Variants in NPIPB2 observed in about 807,000 individuals in gnomAD.
NPIPB2 encodes nuclear pore complex-interacting protein family member B2.
A neutral mutation model predicts 30.8 loss-of-function variants in NPIPB2; 27 were observed. That is an observed-to-expected ratio of 0.88 (90% confidence interval 0.65 to 1.21). The LOEUF (loss-of-function observed/expected upper bound fraction) is 1.21. Among genes scored for constraint, NPIPB2 ranks in the 50% most tolerant of loss-of-function variants. The pLI, the probability that NPIPB2 is intolerant of heterozygous loss-of-function variation, is 0.00. For missense variants in NPIPB2, 440 were observed against 446.2 expected (o/e 0.99, Z 0.13); for synonymous variants, 147 against 162.0 (o/e 0.91, Z 0.70).
intron 1 of NPIPB2, among the ~76,000 whole-genome samples, chr16:11,975,140 C>CTT (rs2055266632): frequency 2.9e-5 from 2 of 68,112 alleles, no homozygotes; most frequent in South Asian, 1.7e-3. Flanking sequence ...CAATCCATCA[C>CTT]CTTTTTTTTT....
chr16:11,951,391 G>T (rs1208632144), intron 1 of NPIPB2, among the ~76,000 whole-genome samples: 1 of 136,910 alleles, frequency 7.3e-6, no homozygotes, highest in Non-Finnish European at 1.5e-5. Flanking sequence ...GTGAACCTGG[G>T]AAGCGGAGCT....
chr16:11,956,631 G>A (rs1359714957), intron 1 of NPIPB2, among the ~76,000 whole-genome samples: 2 of 152,124 alleles, frequency 1.3e-5, no homozygotes, highest in Admixed American at 6.6e-5. Context: ...AGCTGAGATC[G>A]CACCACTGCA....
chr16:11,956,771 T>A (rs1397855813), intron 1 of NPIPB2, among the ~76,000 whole-genome samples: 3 of 152,188 alleles, frequency 2.0e-5, no homozygotes, highest in African/African-American at 7.2e-5. Flanking sequence ...GGAACCAGGC[T>A]TCTTGAGGTC....
intron 4 of NPIPB2, 30 bp downstream of exon 4, chr16:11,933,487 C>G: frequency 6.3e-7 from 1 of 1,596,564 alleles, no homozygotes; most frequent in South Asian, 1.1e-5. Context: ...ATGGTTCATA[C>G]AACAATATTT....
At chr16:11,960,406 G>A (rs1007475640) in intron 1 of NPIPB2, among the ~76,000 whole-genome samples, 1 of 146,260 alleles carries the variant, frequency 6.8e-6, no homozygotes, top group Non-Finnish European at 1.5e-5. Flanking sequence ...CCACGCTGGA[G>A]TGTGCAGTGG....
Position 11,949,055 on chromosome 16 carries a change from G to A in NPIPB2, c.-583-6941C>T, listed in dbSNP as rs531986640. Among the ~76,000 whole-genome samples, 50 of 152,020 alleles carry A rather than the reference G, an allele frequency of 3.3e-4. 1 individual carries two copies. The South Asian group carries it at 8.5e-3, about 26-fold the overall frequency. The stretch of plus-strand genomic sequence containing the variant: ...TTCTTGTAAGGGAGGCGGCTGAGAT[G>A]GGAGGATTGCTTGAGCCCAGGAGGT... On this transcript the variant is annotated intron_variant, in intron 1 of 5. Coordinates refer to the NPIPB2 transcript ENST00000538896.
intron 1 of NPIPB2, among the ~76,000 whole-genome samples, chr16:11,956,708 G>C (rs1054364163): frequency 6.6e-6 from 1 of 152,192 alleles, no homozygotes; most frequent in Non-Finnish European, 1.5e-5. Context: ...ATGATCTCCT[G>C]CAGAATGCCC....
chr16:11,947,942 G>A (rs945510811), intron 1 of NPIPB2, among the ~76,000 whole-genome samples: 3 of 149,656 alleles, frequency 2.0e-5, no homozygotes, highest in Non-Finnish European at 4.4e-5. Context: ...GGGATTGCAA[G>A]AAGGTGAAAG....
rs1555509096 is a variant in NPIPB2, at chr16:11,947,334, A to ATATATT, written c.-583-5221_-583-5220insAATATA. 9.0e-4 allele frequency among the ~76,000 whole-genome samples: 130 copies of ATATATT among 144,934 alleles called. 1 individual carries two copies. The East Asian group carries it at 0.012, about 13-fold the overall frequency. On this transcript the variant is annotated intron_variant, in intron 1 of 5. Transcript: ENST00000538896. ...TTTATTTATTTATTTATATATATAT[A>ATATATT]TATTTATTTATTTATTATTTATTTT...
At chr16:11,958,442 A>T (rs1339413311) in intron 1 of NPIPB2, among the ~76,000 whole-genome samples, 1 of 149,174 alleles carries the variant, frequency 6.7e-6, no homozygotes, top group Non-Finnish European at 1.5e-5. Flanking sequence ...AAAAAAAAAA[A>T]TCCTAGGCCA....
chr16:11,972,361 G>A (rs1399040691), intron 1 of NPIPB2, among the ~76,000 whole-genome samples: 1 of 152,064 alleles, frequency 6.6e-6, no homozygotes, highest in Non-Finnish European at 1.5e-5. Flanking sequence ...AGATCGTAAG[G>A]TCAGGAGTTT....
chr16:11,967,508 A>C lies in NPIPB2; in HGVS notation c.-584+9060T>G, dbSNP rs936671167. ...CTTTGAGTCCCGATGTGTACTGCTAAGACTCTCATGACCACATTCTCTGTG... is the reference window on the plus strand; with the variant it reads ...CTTTGAGTCCCGATGTGTACTGCTACGACTCTCATGACCACATTCTCTGTG... On this transcript the variant is annotated intron_variant, in intron 1 of 5. Transcript: ENST00000538896. 17 of 1,533,766 alleles carry C rather than the reference A, an allele frequency of 1.1e-5. No individual in the cohort carries two copies. The Admixed American group carries it at 2.2e-4, about 20-fold the overall frequency.
chr16:11,970,445 T>G (rs909617729), intron 1 of NPIPB2, among the ~76,000 whole-genome samples: 1 of 152,106 alleles, frequency 6.6e-6, no homozygotes, highest in Non-Finnish European at 1.5e-5. Context: ...ACTCCTGACC[T>G]CAGGTGATCC....
At chr16:11,962,626 AAAACC>A (rs2055162560) in intron 1 of NPIPB2, among the ~76,000 whole-genome samples, 1 of 151,054 alleles carries the variant, frequency 6.6e-6, no homozygotes, top group Non-Finnish European at 1.5e-5. Flanking sequence ...AAAAAAAAAA[AAAACC>A]AAAAAAAAAG....
At chr16:11,970,843 CATTTTCTT>C (rs1280384480) in intron 1 of NPIPB2, among the ~76,000 whole-genome samples, 1 of 147,100 alleles carries the variant, frequency 6.8e-6, no homozygotes, top group Non-Finnish European at 1.5e-5. Flanking sequence ...CTAAAATCAG[CATTTTCTT>C]ACTCGTTTCT....
At chr16:11,960,942 C>G (rs1469874448) in intron 1 of NPIPB2, among the ~76,000 whole-genome samples, 2 of 151,702 alleles carry the variant, frequency 1.3e-5, no homozygotes, top group Non-Finnish European at 2.9e-5. Flanking sequence ...TCTTGGCTCA[C>G]TGCAACCTCT....
chr16:11,956,408 G>A lies in NPIPB2; in HGVS notation c.-583-14294C>T, dbSNP rs147458768. Among the ~76,000 whole-genome samples the A allele has an allele frequency of 7.9e-5, 12 of 152,342 alleles. No homozygotes were observed. In the East Asian group the frequency reaches 2.3e-3, roughly 29 times the overall value. On this transcript the variant is annotated intron_variant, in intron 1 of 5. Transcript: ENST00000538896. ...AAATGATCTCTTGCCGGGAGCAGTG[G>A]CTCACGCCTGTAATTTCAGCGCTTT... is the stretch of plus-strand genomic sequence containing the variant.
chr16:11,973,093 G>C (rs1282457406), intron 1 of NPIPB2, among the ~76,000 whole-genome samples: 2 of 145,138 alleles, frequency 1.4e-5, no homozygotes, highest in Admixed American at 1.4e-4. Flanking sequence ...CTGAGAGGCA[G>C]AGGCAGAAGT....
At chr16:11,949,399 C>G (rs2055043409) in intron 1 of NPIPB2, among the ~76,000 whole-genome samples, 1 of 152,156 alleles carries the variant, frequency 6.6e-6, no homozygotes. Flanking sequence ...GGAGGCAAAG[C>G]AGATTCCCAC....
Sources: gnomAD v4.1 joint callset for allele counts (sites outside exome capture counted in the v4.1 genomes callset) on GRCh38, gnomAD v4.1.1 for gene constraint, MANE v1.5 for transcripts, NCBI Gene and HGNC (gene_info 2026-07-23, HGNC 2026-07-21) for gene names.